Variants in COQ10B observed in about 807,000 individuals in gnomAD.
COQ10B encodes coenzyme Q10B, also known as coenzyme Q-binding protein COQ10 homolog B, mitochondrial.
COQ10B carries 12 observed loss-of-function variants against 27.6 expected under a neutral mutation model. The ratio of observed to expected loss-of-function variants is 0.43; its 90% CI spans 0.28 to 0.70. The LOEUF (loss-of-function observed/expected upper bound fraction) is 0.70, where lower values mean the gene tolerates loss of function less well. Among genes scored for constraint, COQ10B ranks in the 30% least tolerant of loss-of-function variants. The pLI is 0.17. For missense variants in COQ10B, 278 were observed against 288.7 expected, an observed-to-expected ratio of 0.96 and a Z score of 0.27; for synonymous variants, 115 against 103.0, an observed-to-expected ratio of 1.12 and a Z score of -0.71.
At chr2:197,472,817 A>AAAAAT (rs2085892685) in intron 4 of COQ10B, among the ~76,000 whole-genome samples, 1 of 149,868 alleles carries the variant, frequency 6.7e-6, no homozygotes, top group Non-Finnish European at 1.5e-5. Context: ...AAAAAAAAAA[A>AAAAAT]AAAAGAAAGA....
chr2:197,461,531 A>G (rs1354334410), intron 2 of COQ10B, among the ~76,000 whole-genome samples: 1 of 151,760 alleles, frequency 6.6e-6, no homozygotes, highest in East Asian at 1.9e-4. Flanking sequence ...AAAAAGAGAA[A>G]TGGCAACTAA....
intron 3 of COQ10B, among the ~76,000 whole-genome samples, chr2:197,464,090 T>C (rs1030511722): frequency 1.4e-5 from 2 of 144,238 alleles, no homozygotes; most frequent in East Asian, 4.0e-4. Flanking sequence ...CATATATATA[T>C]ATACATATAT....
chr2:197,470,045 G>A (rs750090565), intron 3 of COQ10B, 25 bp from the exon 4 acceptor site: 5 of 1,430,888 alleles, frequency 3.5e-6, no homozygotes, highest in Non-Finnish European at 4.9e-6. Flanking sequence ...TTTAACTGTG[G>A]TTTTATTTTT....
chr2:197,458,766 C>T (rs192020661), intron 1 of COQ10B, among the ~76,000 whole-genome samples: 13 of 151,662 alleles, frequency 8.6e-5, no homozygotes, highest in African/African-American at 2.9e-4. Flanking sequence ...CTGCAACCTC[C>T]GCCTCCCGGG....
rs1553573811 is a variant in COQ10B at position 197,462,522 on chromosome 2, A to G, written c.255-17A>G. 7.1e-7 allele frequency: 1 copy of G among 1,414,256 alleles called. No homozygotes were observed. Among genetic ancestry groups the G allele is most frequent in the African/African-American group, 1.5e-5 (1 of 68,600 alleles). 87.6% of individuals were successfully genotyped at this position (1,414,256 alleles called of 1,614,324 possible). ...TAGATGGAGTTAACACCTCTTTTTT[A>G]TTTTTATTTTTTAAAGATATTCAAT... On this transcript the variant is annotated splice_polypyrimidine_tract_variant and intron_variant, in intron 2 of 4. Coordinates refer to ENST00000263960, the MANE Select transcript of COQ10B (RefSeq NM_025147.5).
chr2:197,463,994 T>C (rs201634525), intron 3 of COQ10B, among the ~76,000 whole-genome samples: 8,583 of 49,780 alleles, frequency 0.17, 719 homozygotes, highest in East Asian at 0.31. Flanking sequence ...TATATATATA[T>C]ATACACACAC....
Position 197,453,656 on chromosome 2 carries a change from G to T in COQ10B, c.96G>T (p.Arg32=). 6.2e-7 allele frequency: 1 copy of T among 1,613,622 alleles called. No homozygotes were observed. Among genetic ancestry groups the T allele is most frequent in the Non-Finnish European group, 8.5e-7 (1 of 1,179,692 alleles). ...ATAAGAQAPV[R]NGRYLASCGI... The stretch of plus-strand genomic sequence containing the variant: ...CGGCCGGGGCGCAGGCGCCCGTGCG[G>T]AATGGCAGGTAATCAACAGCGGGGG... The change falls in exon 1 of 5, where the codon CGG becomes CGT. Residue 32 remains arginine, a synonymous_variant. Transcript: ENST00000263960.
rs983959838 is a variant in COQ10B at position 197,470,084 on chromosome 2, T to A, written c.462T>A (p.Asp154Glu). The A allele has an allele frequency of 3.7e-6, 6 of 1,611,504 alleles. No individual in the cohort carries two copies. In the African/African-American group the frequency reaches 6.7e-5, roughly 18 times the overall value. Residue 154 changes from aspartate to glutamate, a missense_variant, in exon 4 of 5, where the codon GAT (aspartate) becomes GAA (glutamate). By Grantham distance (45) the Asp-to-Glu change is conservative. Around this residue, in one of 3 missense-constraint regions of COQ10B, gnomAD observed 83 missense variants for 104.5 expected, o/e 0.79. Transcript: ENST00000263960. ...KPHLVKASCTDGRLFNHLETI... is the reference protein window; with the variant it reads ...KPHLVKASCTEGRLFNHLETI... ...TTTTGTTGTAGGCATCTTGTACTGA[T>A]GGGAGACTTTTCAATCATTTGGAGA...
At position 197,453,605 on chromosome 2, in the gene COQ10B, G is replaced by C. The variant is rs375808557; in HGVS notation, c.45G>C (p.Ser15=). The C allele has an allele frequency of 1.9e-6, 3 of 1,613,986 alleles. No individual in the cohort carries two copies. Among genetic ancestry groups the C allele is most frequent in the South Asian group, 2.2e-5 (2 of 91,078 alleles). The change falls in exon 1 of 5, where the codon TCG becomes TCC. Residue 15 remains serine, a synonymous_variant. Transcript: ENST00000263960. Reference sequence around the variant, plus strand: ...ATACGGCCTTGAGAAGGGTAGTCTCGGGATGCCGTCCGAAGTCGGCGACAG... The same window carrying C: ...ATACGGCCTTGAGAAGGGTAGTCTCCGGATGCCGTCCGAAGTCGGCGACAG... ...TGHTALRRVV[S]GCRPKSATAA...
chr2:197,462,822 T>C (rs1410974239), intron 3 of COQ10B, 91 bp downstream of exon 3: 4 of 725,128 alleles, frequency 5.5e-6, no homozygotes, highest in Non-Finnish European at 8.7e-6. Flanking sequence ...AAAAAACTTA[T>C]TTAACCTAAC....
chr2:197,455,098 T>G (rs903735670), intron 1 of COQ10B, among the ~76,000 whole-genome samples: 1 of 152,070 alleles, frequency 6.6e-6, no homozygotes, highest in African/African-American at 2.4e-5. Context: ...TCCTTAGGCT[T>G]GTAATCAGAT....
chr2:197,473,416 AT>A (rs66705417), intron 4 of COQ10B, among the ~76,000 whole-genome samples: 6,406 of 51,026 alleles, frequency 0.13, 663 homozygotes, highest in African/African-American at 0.22. Flanking sequence ...AAAAAAAAAA[AT>A]ATATATATAT....
intron 4 of COQ10B, among the ~76,000 whole-genome samples, chr2:197,473,373 G>A (rs1472903711): frequency 8.0e-6 from 1 of 124,842 alleles, no homozygotes; most frequent in Non-Finnish European, 1.6e-5. Flanking sequence ...GGGCAACATG[G>A]CAAAACCCCT....
At position 197,475,267 on chromosome 2, in the gene COQ10B, CTT is replaced by C. The variant is rs1559296796; in HGVS notation, c.*1345_*1346del. ...ATATCTATTTCTATGAAGAAACAGA[CTT>C]TAACAAATATAAGCAAAATTCAGTT... On this transcript the variant is annotated 3_prime_UTR_variant, in exon 5 of 5. Coordinates refer to ENST00000263960, the MANE Select transcript of COQ10B (RefSeq NM_025147.5). 1.3e-5 allele frequency: 2 copies of C among 152,136 alleles called. No homozygotes were observed. The highest frequency in any genetic ancestry group is 2.9e-5 in the Non-Finnish European group (2 of 68,022). The allele number at this position is 152,136 out of a possible 1,614,324, so 9.4% of individuals were successfully genotyped here. A position where few individuals can be genotyped will look rare whatever the true frequency, so the allele number is the denominator to read the frequency against.
chr2:197,473,517 T>C (rs557793332), intron 4 of COQ10B, among the ~76,000 whole-genome samples: 33 of 140,578 alleles, frequency 2.3e-4, no homozygotes, highest in South Asian at 8.8e-4. Flanking sequence ...CGTATATATA[T>C]ACACACACAC....
Position 197,474,895 on chromosome 2 carries a change from T to A in COQ10B, c.*971T>A, listed in dbSNP as rs533326464. The A allele has an allele frequency of 2.0e-5, 3 of 151,762 alleles. No individual in the cohort carries two copies. Among genetic ancestry groups the A allele is most frequent in the African/African-American group, 7.3e-5 (3 of 41,248 alleles). The allele number at this position is 151,762 out of a possible 1,614,324, so 9.4% of individuals were successfully genotyped here. A position where few individuals can be genotyped will look rare whatever the true frequency, so the allele number is the denominator to read the frequency against. On this transcript the variant is annotated 3_prime_UTR_variant, in exon 5 of 5. Coordinates refer to ENST00000263960, the MANE Select transcript of COQ10B (RefSeq NM_025147.5). ...TAGTTTGCCACTTTCTCCGAGGTAG[T>A]TTGGCTGCTCTTTCAGTAATGCTAA...
At chr2:197,470,612 C>T (rs564023021) in intron 4 of COQ10B, among the ~76,000 whole-genome samples, 17 of 151,902 alleles carry the variant, frequency 1.1e-4, no homozygotes, top group South Asian at 6.2e-4. Flanking sequence ...ATAAAATTAT[C>T]GGCTGGATGG....
Position 197,472,135 on chromosome 2 carries a change from G to GT in COQ10B, c.550-1610dup, listed in dbSNP as rs200237360. Among the ~76,000 whole-genome samples the GT allele has an allele frequency of 4.1e-3, 585 of 143,612 alleles. 4 individuals carry two copies. Among genetic ancestry groups the GT allele is most frequent in the East Asian group, 0.038 (191 of 5,040 alleles). 94.2% of individuals were successfully genotyped at this position (143,612 alleles called of 152,430 possible). A position where few individuals can be genotyped will look rare whatever the true frequency, so the allele number is the denominator to read the frequency against. On this transcript the variant is annotated intron_variant, in intron 4 of 4. Transcript: ENST00000263960. ...TGGGAATTCTTTGTATTATTTTGTA[G>GT]TTTTTTTTTTTTACAAAAATGAAAT...
chr2:197,460,228 T>C, intron 2 of COQ10B, 147 bp downstream of exon 2: 1 of 496,168 alleles, frequency 2.0e-6, no homozygotes, highest in East Asian at 4.0e-5. Context: ...TTTTTTTTTC[T>C]TTTGAGATGG....
Sources: gnomAD v4.1 joint callset for allele counts (sites outside exome capture counted in the v4.1 genomes callset) on GRCh38, gnomAD v4.1.1 for gene constraint, gnomAD v4.1.1 regional missense constraint, MANE v1.5 for transcripts, NCBI Gene and HGNC (gene_info 2026-07-23, HGNC 2026-07-21) for gene names.